UGT2B4: variants seen among roughly 807,000 people sequenced by gnomAD.
UGT2B4 encodes UDP glucuronosyltransferase family 2 member B4, also known as UDP-glucuronosyltransferase 2B4.
A neutral mutation model predicts 49.8 loss-of-function variants in UGT2B4; 49 were observed. That is an observed-to-expected ratio of 0.98 (90% confidence interval 0.78 to 1.25). UGT2B4 has a LOEUF of 1.25. Ranked by LOEUF, UGT2B4 falls within the 50% of genes most tolerant of loss-of-function variation. The probability of loss-of-function intolerance (pLI) is 0.00; values close to 1 mark genes in which losing one functional copy is unlikely to be tolerated. For synonymous variants in UGT2B4, 246 were observed against 217.7 expected (o/e 1.13, Z -1.14); for missense variants, 729 against 627.7 (o/e 1.16, Z -1.73).
At chr4:69,484,454 A>G (rs182201281) in intron 5 of UGT2B4, among the ~76,000 whole-genome samples, 24 of 152,324 alleles carry the variant, frequency 1.6e-4, no homozygotes, top group Admixed American at 1.1e-3. Context: ...AAATAAATGA[A>G]CTATTAATAC....
intron 5 of UGT2B4, among the ~76,000 whole-genome samples, chr4:69,483,699 T>A (rs896180483): frequency 1.3e-5 from 2 of 152,134 alleles, no homozygotes; most frequent in Admixed American, 1.3e-4. Context: ...CATAAAAACA[T>A]TATTAATAGT....
chr4:69,525,004 G>T (rs959317733), intron 1 of UGT2B4, among the ~76,000 whole-genome samples: 2 of 152,198 alleles, frequency 1.3e-5, no homozygotes, highest in African/African-American at 4.8e-5. Flanking sequence ...ATGAATTTTA[G>T]ATTAAATTGT....
At chr4:69,500,160 C>A (rs976900875), upstream of UGT2B4, among the ~76,000 whole-genome samples, 2 of 152,120 alleles carry the variant, frequency 1.3e-5, no homozygotes, top group African/African-American at 2.4e-5. Flanking sequence ...CAACCAAATA[C>A]CACATGTTTT....
At chr4:69,489,306 A>T in intron 3 of UGT2B4, 133 bp downstream of exon 3, 2 of 1,246,122 alleles carry the variant, frequency 1.6e-6, no homozygotes, top group South Asian at 2.9e-5. Flanking sequence ...TTGATTTTGA[A>T]TTAATATCTG....
upstream of UGT2B4, among the ~76,000 whole-genome samples, chr4:69,498,383 G>T (rs1224851223): frequency 6.6e-6 from 1 of 152,134 alleles, no homozygotes; most frequent in Admixed American, 6.6e-5. Context: ...CAGATGGAGT[G>T]AGTAAATACA....
intron 1 of UGT2B4, among the ~76,000 whole-genome samples, chr4:69,502,130 T>C (rs1728348507): frequency 7.0e-6 from 1 of 143,186 alleles, no homozygotes; most frequent in Non-Finnish European, 1.5e-5. Context: ...TCTTTCTTTC[T>C]TTCTTTCTTT....
intron 1 of UGT2B4, among the ~76,000 whole-genome samples, chr4:69,504,164 CT>C (rs1268181979): frequency 2.0e-5 from 3 of 152,106 alleles, no homozygotes; most frequent in African/African-American, 7.2e-5. Context: ...GCCACAGTAC[CT>C]TCCCTCATCC....
chr4:69,495,035 A>G, intron 1 of UGT2B4, 106 bp downstream of exon 1: 2 of 1,040,826 alleles, frequency 1.9e-6, no homozygotes, highest in South Asian at 2.4e-5. Context: ...TGATAAATTC[A>G]TTACAAAAAT....
chr4:69,524,104 C>A (rs774333403), intron 1 of UGT2B4, among the ~76,000 whole-genome samples: 1 of 117,402 alleles, frequency 8.5e-6, no homozygotes, highest in South Asian at 2.7e-4. Flanking sequence ...ATTTTCTTCA[C>A]GTCAGCGATA....
chr4:69,500,652 AGAAAGAAAGAAAGAAAGGAAG>A (rs1392336763), upstream of UGT2B4, among the ~76,000 whole-genome samples: 8,492 of 139,412 alleles, frequency 0.061, 390 homozygotes, highest in Non-Finnish European at 0.098. Context: ...AAAGAAAGAA[AGAAAGAAAGAAAGAAAGGAAG>A]GAAAGAAAAG....
intron 1 of UGT2B4, among the ~76,000 whole-genome samples, chr4:69,511,180 G>A (rs1728594869): frequency 6.6e-6 from 1 of 151,500 alleles, no homozygotes; most frequent in African/African-American, 2.4e-5. Flanking sequence ...AGTAGAGATG[G>A]GATTTCACCA....
rs200320318 is a variant in UGT2B4, at chr4:69,480,816, G to T, written c.1405C>A (p.Arg469Ser). The T allele has an allele frequency of 3.1e-6, 5 of 1,613,876 alleles. No individual in the cohort carries two copies. Among genetic ancestry groups the T allele is most frequent in the Non-Finnish European group, 4.2e-6 (5 of 1,179,830 alleles). The change falls in exon 6 of 6, where the codon CGC (arginine) becomes AGC (serine). Residue 469 changes from arginine (R) to serine (S), a missense_variant. Arg to Ser is a moderately radical substitution (Grantham distance 110). Transcript: ENST00000305107. The stretch of plus-strand genomic sequence containing the variant: ...CGAAGGTGCTTGGCTCCTTTATGGC[G>T]CATGACAAATTCAATCCAGAAGACT... ...RAVFWIEFVMRHKGAKHLRVA... is the reference protein window; with the variant it reads ...RAVFWIEFVMSHKGAKHLRVA...
At chr4:69,496,166 A>C (rs1340807308), upstream of UGT2B4, among the ~76,000 whole-genome samples, 1 of 151,814 alleles carries the variant, frequency 6.6e-6, no homozygotes, top group Non-Finnish European at 1.5e-5. Context: ...GACTACAGAC[A>C]GGCACCTGCC....
intron 1 of UGT2B4, among the ~76,000 whole-genome samples, chr4:69,512,766 A>G (rs1728638386): frequency 6.6e-6 from 1 of 152,088 alleles, no homozygotes; most frequent in African/African-American, 2.4e-5. Flanking sequence ...TGACTTTTGT[A>G]TAATAGCCAT....
intron 1 of UGT2B4, among the ~76,000 whole-genome samples, chr4:69,519,302 T>G (rs1025861177): frequency 1.3e-5 from 2 of 152,164 alleles, no homozygotes; most frequent in African/African-American, 4.8e-5. Flanking sequence ...AAAATGTACA[T>G]TAGTAACCTA....
intron 1 of UGT2B4, among the ~76,000 whole-genome samples, chr4:69,513,839 G>A (rs544927323): frequency 6.6e-6 from 1 of 151,996 alleles, no homozygotes; most frequent in Non-Finnish European, 1.5e-5. Flanking sequence ...TGTGGCAATT[G>A]TGAATGGGAG....
At chr4:69,481,251 G>A (rs1034880948) in intron 5 of UGT2B4, among the ~76,000 whole-genome samples, 1 of 152,102 alleles carries the variant, frequency 6.6e-6, no homozygotes, top group African/African-American at 2.4e-5. Flanking sequence ...CCTGGTGACA[G>A]AGTGAGACTT....
intron 5 of UGT2B4, among the ~76,000 whole-genome samples, chr4:69,481,951 C>G (rs571807190): frequency 3.4e-4 from 52 of 152,272 alleles, no homozygotes; most frequent in Middle Eastern, 3.4e-3. Context: ...TTTTGCCTGA[C>G]TTTTCATCAT....
chr4:69,483,259 T>C (rs977543008), intron 5 of UGT2B4, among the ~76,000 whole-genome samples: 1 of 152,184 alleles, frequency 6.6e-6, no homozygotes, highest in Non-Finnish European at 1.5e-5. Context: ...AATCTTTTCA[T>C]ACATACTGAA....
Sources: gnomAD v4.1 joint callset for allele counts (sites outside exome capture counted in the v4.1 genomes callset) on GRCh38, gnomAD v4.1.1 for gene constraint, MANE v1.5 for transcripts, NCBI Gene and HGNC (gene_info 2026-07-23, HGNC 2026-07-21) for gene names.